The following RAD51B variants were observed in gnomAD, a reference collection of about 807,000 sequenced individuals.
The protein encoded by RAD51B is RAD51 paralog B.
RAD51B carries 38 observed loss-of-function variants against 42.2 expected under a neutral mutation model. The observed-to-expected ratio is 0.90, with a 90% CI of 0.70 to 1.18. The LOEUF (loss-of-function observed/expected upper bound fraction) is 1.18. Among genes scored for constraint, RAD51B ranks in the 50% most tolerant of loss-of-function variants. The pLI, the probability that RAD51B is intolerant of heterozygous loss-of-function variation, is 0.00. For missense variants in RAD51B, 373 were observed against 400.7 expected (o/e 0.93, Z 0.59); for synonymous variants, 154 against 145.2 (o/e 1.06, Z -0.43).
chr14:68,173,362 T>G (rs1479997555), intron 7 of RAD51B, among the ~76,000 whole-genome samples: 1 of 152,226 alleles, frequency 6.6e-6, no homozygotes, highest in Non-Finnish European at 1.5e-5. Context: ...ATTGCCATCT[T>G]TCTATACTGC....
intron 7 of RAD51B, among the ~76,000 whole-genome samples, chr14:68,035,897 T>C (rs566728368): frequency 1.3e-5 from 2 of 152,344 alleles, no homozygotes; most frequent in East Asian, 3.9e-4. Context: ...TCGGAAGTCA[T>C]AATGTGTAAT....
At chr14:68,052,369 T>C (rs1050726930) in intron 7 of RAD51B, among the ~76,000 whole-genome samples, 54 of 151,904 alleles carry the variant, frequency 3.6e-4, no homozygotes, top group African/African-American at 1.2e-3. Context: ...GGTGGTATAT[T>C]TACTTTTTTT....
intron 8 of RAD51B, among the ~76,000 whole-genome samples, chr14:68,349,577 G>A (rs1172138911): frequency 6.6e-6 from 1 of 152,110 alleles, no homozygotes; most frequent in Non-Finnish European, 1.5e-5. Flanking sequence ...TGTTGGCCAG[G>A]CTGGTCTCGA....
At chr14:68,124,675 C>T (rs1345064311) in intron 7 of RAD51B, among the ~76,000 whole-genome samples, 3 of 151,998 alleles carry the variant, frequency 2.0e-5, no homozygotes, top group East Asian at 1.9e-4. Flanking sequence ...TATGTAAGGC[C>T]GGGTGTGGTG....
At chr14:68,480,165 C>T (rs781612013), downstream of RAD51B, among the ~76,000 whole-genome samples, 2 of 152,126 alleles carry the variant, frequency 1.3e-5, no homozygotes, top group African/African-American at 2.4e-5. Flanking sequence ...CCCTGCCTCC[C>T]GGGTTCAAGC....
In RAD51B at chr14:67,885,932, G is replaced by T; in HGVS notation, c.516G>T (p.Leu172Phe). The change falls in exon 6 of 11, where the codon TTG (leucine) becomes TTT (phenylalanine). Residue 172 changes from leucine to phenylalanine, a missense_variant. Leu to Phe is a conservative substitution (Grantham distance 22, BLOSUM62 0). Transcript: ENST00000471583. ...RYFNTEEKLL[L>F]TSSKVHLYRE... Reference sequence around the variant, plus strand: ...TTAACACTGAAGAAAAGTTACTTTTGACAAGTAGTAAAGTTCATCTTTATC... The same window carrying T: ...TTAACACTGAAGAAAAGTTACTTTTTACAAGTAGTAAAGTTCATCTTTATC... 2 of 1,606,360 alleles carry T rather than the reference G, an allele frequency of 1.2e-6. No homozygotes were observed. The highest frequency in any genetic ancestry group is 2.2e-5 in the South Asian group (2 of 90,324).
intron 7 of RAD51B, among the ~76,000 whole-genome samples, chr14:68,031,016 G>T (rs183900571): frequency 6.6e-6 from 1 of 152,190 alleles, no homozygotes; most frequent in Non-Finnish European, 1.5e-5. Context: ...GTCTTATAAG[G>T]TGTGTTTGAT....
intron 7 of RAD51B, among the ~76,000 whole-genome samples, chr14:68,146,760 C>T (rs867365819): frequency 3.3e-5 from 5 of 152,188 alleles, no homozygotes; most frequent in African/African-American, 1.2e-4. Flanking sequence ...TAAGTAAAAG[C>T]TGTGAACACT....
intron 7 of RAD51B, among the ~76,000 whole-genome samples, chr14:68,080,311 C>T (rs2076894323): frequency 6.6e-6 from 1 of 152,198 alleles, no homozygotes; most frequent in African/African-American, 2.4e-5. Flanking sequence ...ACTTCTGATT[C>T]CATAATGTCC....
chr14:67,978,194 G>T (rs1024623115), intron 7 of RAD51B, among the ~76,000 whole-genome samples: 7 of 151,930 alleles, frequency 4.6e-5, no homozygotes, highest in Non-Finnish European at 8.8e-5. Flanking sequence ...ATATAAAAAA[G>T]ATTTTTTTTT....
At chr14:68,435,649 A>T (rs2085129846) in intron 9 of RAD51B, among the ~76,000 whole-genome samples, 3 of 152,166 alleles carry the variant, frequency 2.0e-5, no homozygotes, top group Admixed American at 6.5e-5. Context: ...CCAACAGTGT[A>T]TGAGCATTTT....
chr14:68,119,130 A>G lies in RAD51B; in HGVS notation c.757-172754A>G, dbSNP rs147453678. 3.3e-4 allele frequency among the ~76,000 whole-genome samples: 50 copies of G among 151,732 alleles called. 1 individual carries two copies. The East Asian group carries it at 8.1e-3, about 25-fold the overall frequency. On this transcript the variant is annotated intron_variant, in intron 7 of 10. Coordinates refer to ENST00000471583, the MANE Select transcript of RAD51B (RefSeq NM_133510.4). ...ACTAATTTTTCTAATTTTTTTTTGTAGAGACAGGGTGTCACCATGTTGTCC... is the reference window on the plus strand; with the variant it reads ...ACTAATTTTTCTAATTTTTTTTTGTGGAGACAGGGTGTCACCATGTTGTCC...
chr14:68,214,407 G>C (rs2079772751), intron 7 of RAD51B, among the ~76,000 whole-genome samples: 1 of 152,092 alleles, frequency 6.6e-6, no homozygotes, highest in Non-Finnish European at 1.5e-5. Context: ...TCTTATCTCT[G>C]AAATGTTTGG....
At chr14:68,526,095 C>T (rs1886911575) in intron 10 of RAD51B, among the ~76,000 whole-genome samples, 1 of 152,212 alleles carries the variant, frequency 6.6e-6, no homozygotes, top group Non-Finnish European at 1.5e-5. Flanking sequence ...GGGGAAAATA[C>T]ATGAGTTAAT....
chr14:68,164,625 T>C (rs1269229595), intron 7 of RAD51B, among the ~76,000 whole-genome samples: 2 of 152,222 alleles, frequency 1.3e-5, no homozygotes, highest in East Asian at 3.8e-4. Flanking sequence ...TTTAGATTTC[T>C]AAAACTGTTT....
intron 8 of RAD51B, among the ~76,000 whole-genome samples, chr14:68,320,289 A>G (rs17105397): frequency 0.1 from 15,241 of 152,280 alleles, 879 homozygotes; most frequent in African/African-American, 0.15. Context: ...TTAACTTTGG[A>G]TGCCTCCTGT....
chr14:67,874,676 T>G (rs2042667878), intron 5 of RAD51B, among the ~76,000 whole-genome samples: 1 of 152,140 alleles, frequency 6.6e-6, no homozygotes, highest in Admixed American at 6.6e-5. Context: ...TTGTTGTTTT[T>G]TTTTAACCTA....
intron 11 of RAD51B, among the ~76,000 whole-genome samples, chr14:68,681,354 A>G (rs77227435): frequency 1.3e-3 from 191 of 152,306 alleles, no homozygotes; most frequent in African/African-American, 4.4e-3. Flanking sequence ...AGAAATGACA[A>G]ATGAACAAGA....
At chr14:68,581,320 T>C (rs1043473719) in intron 10 of RAD51B, among the ~76,000 whole-genome samples, 2 of 152,198 alleles carry the variant, frequency 1.3e-5, no homozygotes, top group Admixed American at 6.5e-5. Context: ...TGCCGTACAG[T>C]GTGCTGTGCT....
Sources: allele counts gnomAD v4.1 joint callset (sites outside exome capture counted in the v4.1 genomes callset), GRCh38; gene constraint gnomAD v4.1.1; transcripts MANE v1.5; gene names NCBI Gene and HGNC (gene_info 2026-07-23, HGNC 2026-07-21).